COQ8A: variants seen among roughly 807,000 people sequenced by gnomAD.
COQ8A encodes coenzyme Q8A, also known as atypical kinase COQ8A, mitochondrial.
COQ8A carries 51 observed loss-of-function variants against 65.0 expected under a neutral mutation model. That is an observed-to-expected ratio of 0.78 (90% CI 0.63 to 0.99). The LOEUF (loss-of-function observed/expected upper bound fraction) is 0.99. COQ8A is among the 50% of genes least tolerant of loss of function. The probability of loss-of-function intolerance (pLI) is 0.00; values close to 1 mark genes in which losing one functional copy is unlikely to be tolerated. For missense variants in COQ8A, 940 were observed against 875.0 expected, an observed-to-expected ratio of 1.07 and a Z score of -0.94; for synonymous variants, 371 against 353.2, an observed-to-expected ratio of 1.05 and a Z score of -0.57.
Position 226,965,070 on chromosome 1 carries a change from TCCCG to T in COQ8A, c.250_253del (p.Pro84MetfsTer124), listed in dbSNP as rs756503892. 3 of 1,613,870 alleles carry T rather than the reference TCCCG, an allele frequency of 1.9e-6. No homozygotes were observed. The Admixed American group carries it at 5.0e-5, about 27-fold the overall frequency. ...CCAGAAGGGGAGTTCCACTTCTCAG[TCCCG>T]CATGCAGCCGGAGCCTCCACAGACT... On this transcript the variant is annotated frameshift_variant, in exon 3 of 15. Coordinates refer to ENST00000366777, the MANE Select transcript of COQ8A (RefSeq NM_020247.5). LOFTEE classifies it high-confidence loss of function.
chr1:226,956,126 ACACTCTCCCTGGTTCC>A (rs1558183890), intron 1 of COQ8A, among the ~76,000 whole-genome samples: 5 of 88,016 alleles, frequency 5.7e-5, no homozygotes, highest in Non-Finnish European at 8.7e-5. Flanking sequence ...TCCCTGGTTC[ACACTCTCCCTGGTTCC>A]CATTCTCCCT....
chr1:226,956,775 C>G (rs1367237277), intron 1 of COQ8A, among the ~76,000 whole-genome samples: 3 of 129,386 alleles, frequency 2.3e-5, no homozygotes, highest in Admixed American at 7.3e-5. Flanking sequence ...TTCACACTCT[C>G]CCTGGCTCCC....
At chr1:226,964,923 C>T in intron 2 of COQ8A, 77 bp from the exon 3 acceptor site, 2 of 1,548,330 alleles carry the variant, frequency 1.3e-6, no homozygotes, top group East Asian at 2.3e-5. Flanking sequence ...GTGTGCTGTC[C>T]TGGGCAGCAG....
chr1:226,970,612 G>A (rs1366618668), intron 4 of COQ8A, among the ~76,000 whole-genome samples: 3 of 152,136 alleles, frequency 2.0e-5, no homozygotes, highest in Middle Eastern at 3.4e-3. Flanking sequence ...ATTCCTTTAC[G>A]GTTCTTTTGG....
chr1:226,944,944 G>A (rs1050232343), intron 1 of COQ8A, among the ~76,000 whole-genome samples: 38 of 152,124 alleles, frequency 2.5e-4, no homozygotes, highest in East Asian at 7.7e-4. Context: ...AGGCTGTAGC[G>A]CCCCTCTCTG....
rs1326059232 is a variant in COQ8A at position 226,983,564 on chromosome 1, G to A, written c.1093G>A (p.Ala365Thr). Reference sequence around the variant, plus strand: ...CATACCCCCACAGTACCCTGGCGTGGCCCAGAGCATCAACAGTGATGTCAA... The same window carrying A: ...CATACCCCCACAGTACCCTGGCGTGACCCAGAGCATCAACAGTGATGTCAA... ...VAMKIQYPGV[A>T]QSINSDVNNL... The change falls in exon 9 of 15, where the codon GCC (alanine) becomes ACC (threonine). Residue 365 changes from alanine (A) to threonine (T), a missense_variant. Transcript: ENST00000366777. The A allele has an allele frequency of 1.2e-6, 2 of 1,613,872 alleles. No individual in the cohort carries two copies. The highest frequency in any genetic ancestry group is 1.7e-6 in the Non-Finnish European group (2 of 1,179,998).
At chr1:226,974,627 G>A (rs2148090563) in intron 4 of COQ8A, among the ~76,000 whole-genome samples, 1 of 152,320 alleles carries the variant, frequency 6.6e-6, no homozygotes, top group South Asian at 2.1e-4. Context: ...TGGGGCGGGA[G>A]GGCCTCAGTT....
chr1:226,977,175 G>T (rs1659289150), intron 4 of COQ8A, among the ~76,000 whole-genome samples: 1 of 152,170 alleles, frequency 6.6e-6, no homozygotes, highest in African/African-American at 2.4e-5. Flanking sequence ...GGGTGTCCGT[G>T]TGCCCGTGAG....
chr1:226,981,990 C>G (rs375196724), intron 5 of COQ8A, 37 bp from the exon 6 acceptor site: 19 of 1,612,712 alleles, frequency 1.2e-5, no homozygotes, highest in African/African-American at 6.7e-5. Flanking sequence ...CCCAGACCCC[C>G]CCGAGTGCCG....
In COQ8A at chr1:226,949,186, G is replaced by A. The variant is rs544136193; in HGVS notation, c.-10+8787G>A. ...AGAGTGGAGTGCGCTCACATGGCTC[G>A]CGCGTAGCTGGAGGCTGGAAAGGAG... On this transcript the variant is annotated intron_variant, in intron 1 of 14. Transcript: ENST00000366777. This position sits in a 1 kb window ranked among gnomAD's most constrained non-coding sequence, Gnocchi z 4.0. 4.6e-5 allele frequency among the ~76,000 whole-genome samples: 7 copies of A among 151,932 alleles called. No individual in the cohort carries two copies. Among genetic ancestry groups the A allele is most frequent in the African/African-American group, 1.4e-4 (6 of 41,444 alleles).
intron 5 of COQ8A, among the ~76,000 whole-genome samples, chr1:226,979,747 C>G (rs891562232): frequency 6.6e-6 from 1 of 152,216 alleles, no homozygotes; most frequent in South Asian, 2.1e-4. Context: ...CAGGCCCGGA[C>G]TGAGTCCTGG....
At chr1:226,982,332 T>G in intron 6 of COQ8A, 183 bp downstream of exon 6, 2 of 918,340 alleles carry the variant, frequency 2.2e-6, no homozygotes, top group Non-Finnish European at 1.6e-6. Context: ...AAGAAACACA[T>G]GGAATAAAGA....
intron 4 of COQ8A, among the ~76,000 whole-genome samples, chr1:226,968,560 A>C (rs1223246036): frequency 6.6e-6 from 1 of 152,118 alleles, no homozygotes; most frequent in African/African-American, 2.4e-5. Context: ...AAATACCTCT[A>C]GCCTTTCTTC....
chr1:226,964,219 T>C (rs1484743430), intron 2 of COQ8A, among the ~76,000 whole-genome samples: 1 of 152,222 alleles, frequency 6.6e-6, no homozygotes, highest in Non-Finnish European at 1.5e-5. Flanking sequence ...GTTCTAATTA[T>C]AGGCTCCTGG....
intron 1 of COQ8A, among the ~76,000 whole-genome samples, chr1:226,960,354 G>A (rs1572037994): frequency 2.6e-5 from 3 of 114,042 alleles, no homozygotes; most frequent in Non-Finnish European, 5.6e-5. Context: ...GGTGGTGGTG[G>A]TGGTGCTTGG....
intron 2 of COQ8A, among the ~76,000 whole-genome samples, chr1:226,964,266 CTG>C (rs1658425908): frequency 6.6e-6 from 1 of 152,204 alleles, no homozygotes; most frequent in African/African-American, 2.4e-5. Context: ...CCTCCAGTAA[CTG>C]TGACTGTGAG....
rs2148003355 is a variant in COQ8A at position 226,946,163 on chromosome 1, C to T, written c.-10+5764C>T. ...CAGAACTGGGAAAGAGAGGGCCCCT[C>T]CCTCCGGAGCTTACCTTGCAGTAAG... is the stretch of plus-strand genomic sequence containing the variant. On this transcript the variant is annotated intron_variant, in intron 1 of 14. Transcript: ENST00000366777. This position sits in a 1 kb window ranked among gnomAD's most constrained non-coding sequence, Gnocchi z 5.3. Among the ~76,000 whole-genome samples, 1 of 152,334 alleles carries T rather than the reference C, an allele frequency of 6.6e-6. No individual in the cohort carries two copies. The highest frequency in any genetic ancestry group is 1.9e-4 in the East Asian group (1 of 5,188).
intron 4 of COQ8A, among the ~76,000 whole-genome samples, chr1:226,971,004 G>C (rs1447627795): frequency 6.6e-6 from 1 of 152,012 alleles, no homozygotes; most frequent in African/African-American, 2.4e-5. Context: ...GCAATGGCGT[G>C]ATCTCGACTC....
At chr1:226,985,423 GC>G in intron 14 of COQ8A, 83 bp downstream of exon 14, 1 of 1,533,282 alleles carries the variant, frequency 6.5e-7, no homozygotes, top group South Asian at 1.1e-5. Flanking sequence ...AGCACAGGGG[GC>G]AGCTGCCCTC....
Sources: allele counts gnomAD v4.1 joint callset (sites outside exome capture counted in the v4.1 genomes callset), GRCh38; gene constraint gnomAD v4.1.1; non-coding constraint Gnocchi (gnomAD v3.1); transcripts MANE v1.5; gene names NCBI Gene and HGNC (gene_info 2026-07-23, HGNC 2026-07-21).